Variants in CPAP observed in about 807,000 individuals in gnomAD.
CPAP encodes centrosomal P4.1-associated protein.
At chr13:24,926,397 C>T in the CPAP span, among the ~76,000 whole-genome samples, 1 of 152,008 alleles carries the variant, frequency 6.6e-6, no homozygotes, top group Non-Finnish European at 1.5e-5. Flanking sequence ...CCCATGGTTC[C>T]CAGAAGAAGG....
At chr13:24,919,531 C>G in the CPAP span, among the ~76,000 whole-genome samples, 1 of 151,874 alleles carries the variant, frequency 6.6e-6, no homozygotes, top group African/African-American at 2.4e-5. Flanking sequence ...GTGATCCTCC[C>G]ACCTCAAGCC....
the CPAP span, chr13:24,885,546 CAA>C: frequency 4.5e-6 from 6 of 1,345,610 alleles, no homozygotes; most frequent in Non-Finnish European, 6.4e-6. Flanking sequence ...AGTCTATTAA[CAA>C]ATTGATTTCA....
At chr13:24,915,526 G>A in the CPAP span, among the ~76,000 whole-genome samples, 1 of 152,154 alleles carries the variant, frequency 6.6e-6, no homozygotes, top group Non-Finnish European at 1.5e-5. Flanking sequence ...GGAGGCGGCT[G>A]GGCGCAGTGG....
the CPAP span, among the ~76,000 whole-genome samples, chr13:24,931,730 A>C: frequency 6.6e-6 from 1 of 152,246 alleles, no homozygotes; most frequent in African/African-American, 2.4e-5. Flanking sequence ...AAACACTATC[A>C]CGAATTTCAA....
At chr13:24,913,239 C>G in the CPAP span, 3 of 562,398 alleles carry the variant, frequency 5.3e-6, no homozygotes, top group Non-Finnish European at 9.4e-6. Context: ...GGGCATTGAG[C>G]TACATTTTTC....
the CPAP span, chr13:24,883,507 A>AACTT: frequency 1.6e-6 from 1 of 636,338 alleles, no homozygotes; most frequent in South Asian, 2.1e-5. Context: ...ATACAATTGT[A>AACTT]ACTTTCTACA....
the CPAP span, chr13:24,904,074 TAA>T: frequency 6.2e-7 from 1 of 1,613,252 alleles, no homozygotes; most frequent in Admixed American, 1.7e-5. Flanking sequence ...AAATAGGCCA[TAA>T]ATACTGAACT....
At chr13:24,921,619 G>T in the CPAP span, among the ~76,000 whole-genome samples, 107 of 132,254 alleles carry the variant, frequency 8.1e-4, no homozygotes, top group Non-Finnish European at 1.3e-3. Context: ...ATCTAAAAAA[G>T]TAATGACTTT....
the CPAP span, among the ~76,000 whole-genome samples, chr13:24,895,277 T>A: frequency 6.6e-6 from 1 of 152,126 alleles, no homozygotes; most frequent in African/African-American, 2.4e-5. Flanking sequence ...CCGAGCAGGT[T>A]TAAAAAAGAA....
At chr13:24,899,882 A>G in the CPAP span, among the ~76,000 whole-genome samples, 122 of 152,008 alleles carry the variant, frequency 8.0e-4, no homozygotes, top group South Asian at 2.7e-3. Context: ...GGCAGGCTTG[A>G]GCCCAGGAAT....
the CPAP span, among the ~76,000 whole-genome samples, chr13:24,910,650 C>G: frequency 6.6e-6 from 1 of 152,186 alleles, no homozygotes; most frequent in South Asian, 2.1e-4. Context: ...AACTACTGCT[C>G]CAAAGCAAAC....
chr13:24,932,023 G>T, the CPAP span, among the ~76,000 whole-genome samples: 1 of 152,350 alleles, frequency 6.6e-6, no homozygotes, highest in African/African-American at 2.4e-5. Flanking sequence ...CCAATTCTGG[G>T]CGCCTTCTGG....
the CPAP span, chr13:24,912,857 T>C: frequency 6.2e-7 from 1 of 1,614,224 alleles, no homozygotes; most frequent in East Asian, 2.2e-5. Flanking sequence ...TGTGTGCCTT[T>C]AATAGGAAAG....
chr13:24,911,917 T>C, the CPAP span: 2 of 1,613,780 alleles, frequency 1.2e-6, no homozygotes, highest in East Asian at 4.5e-5. Flanking sequence ...ATGTGCATTA[T>C]ACTGAGGCCC....
At chr13:24,932,981 T>A in the CPAP span, 1 of 1,524,974 alleles carries the variant, frequency 6.6e-7, no homozygotes, top group Non-Finnish European at 9.1e-7. Context: ...GAGAGGGTCC[T>A]TAAAAACTTT....
the CPAP span, among the ~76,000 whole-genome samples, chr13:24,923,250 T>G: frequency 7.2e-5 from 11 of 151,958 alleles, no homozygotes; most frequent in Middle Eastern, 3.4e-3. Flanking sequence ...TTTTGTTTTT[T>G]TTTTTTCTAT....
the CPAP span, chr13:24,912,755 CT>C: frequency 1.2e-6 from 2 of 1,614,052 alleles, no homozygotes; most frequent in African/African-American, 1.3e-5. Context: ...TCAGATTTAT[CT>C]GACTGTGGTT....
At chr13:24,892,926 A>G in the CPAP span, 9 of 1,177,890 alleles carry the variant, frequency 7.6e-6, no homozygotes, top group South Asian at 5.1e-5. Context: ...AATTAAAACA[A>G]TAGAAGAATA....
the CPAP span, among the ~76,000 whole-genome samples, chr13:24,887,393 T>TAC: frequency 6.6e-6 from 1 of 152,230 alleles, no homozygotes; most frequent in African/African-American, 2.4e-5. Flanking sequence ...CATCTGTATT[T>TAC]ACAGCAGCTC....
Sources: gnomAD v4.1 joint callset for allele counts (sites outside exome capture counted in the v4.1 genomes callset) on GRCh38, gnomAD v4.1.1 for gene constraint, MANE v1.5 for transcripts, NCBI Gene and HGNC (gene_info 2026-07-23, HGNC 2026-07-21) for gene names.